The following RBFOX1 variants were observed in gnomAD, a reference collection of about 807,000 sequenced individuals.
The protein encoded by RBFOX1 is RNA binding protein fox-1 homolog 1.
Under a neutral mutation model 57.7 loss-of-function variants are expected in RBFOX1, and 8 were observed. That is an observed-to-expected ratio of 0.14 (90% CI 0.08 to 0.25). The LOEUF (loss-of-function observed/expected upper bound fraction) is 0.25, where lower values mean the gene tolerates loss of function less well. Among genes scored for constraint, RBFOX1 ranks in the 10% least tolerant of loss-of-function variants. The probability of loss-of-function intolerance (pLI) is 1.00; values close to 1 mark genes in which losing one functional copy is unlikely to be tolerated. For missense variants in RBFOX1, 611 were observed against 548.5 expected (o/e 1.11, Z -1.14); for synonymous variants, 326 against 222.4 (o/e 1.47, Z -4.15).
At chr16:7,669,318 A>G (rs1461321938) in intron 13 of RBFOX1, among the ~76,000 whole-genome samples, 1 of 152,224 alleles carries the variant, frequency 6.6e-6, no homozygotes, top group Non-Finnish European at 1.5e-5. Flanking sequence ...ACCAAAAAGT[A>G]TAGCATTTGA....
At chr16:7,463,831 A>G (rs956001540) in intron 4 of RBFOX1, among the ~76,000 whole-genome samples, 1 of 152,242 alleles carries the variant, frequency 6.6e-6, no homozygotes, top group African/African-American at 2.4e-5. Context: ...ACTCTATACC[A>G]GCCACTGAGA....
intron 4 of RBFOX1, among the ~76,000 whole-genome samples, chr16:7,267,213 A>G (rs2095177337): frequency 6.6e-6 from 1 of 152,116 alleles, no homozygotes. Context: ...AGCCTGGCCA[A>G]CATGGCAAAA....
In RBFOX1 at chr16:5,757,582, T is replaced by C. The variant is rs187699021; in HGVS notation, c.319-109721T>C. ...TAGAAGAACACATCATTTCAACTGA[T>C]AGGGTGTTGGTTATAACTCAGCCAC... On this transcript the variant is annotated intron_variant, in intron 3 of 19. Transcript: ENST00000641259. Among the ~76,000 whole-genome samples, 481 of 152,216 alleles carry C rather than the reference T, an allele frequency of 3.2e-3. 4 individuals are homozygous for C. The highest frequency in any genetic ancestry group is 0.017 in the Middle Eastern group (5 of 294).
At position 5,571,215 on chromosome 16, in the gene RBFOX1, C is replaced by CTTTT. The variant is rs34409151; in HGVS notation, c.259-27667_259-27664dup. Among the ~76,000 whole-genome samples, 598 of 79,760 alleles carry CTTTT rather than the reference C, an allele frequency of 7.5e-3. 21 individuals carry two copies. Among genetic ancestry groups the CTTTT allele is most frequent in the African/African-American group, 0.011 (219 of 19,696 alleles). The allele number at this position is 79,760 out of a possible 152,430, so 52.3% of individuals were successfully genotyped here. ...TGGTAGTGAAGTGACCCATCTTTGACTTTTTTTTTTTTTTTTTTTTTTTGA... is the reference window on the plus strand; with the variant it reads ...TGGTAGTGAAGTGACCCATCTTTGACTTTTTTTTTTTTTTTTTTTTTTTTTTTGA... On this transcript the variant is annotated intron_variant, in intron 2 of 2. Transcript: ENST00000585867.
intron 4 of RBFOX1, among the ~76,000 whole-genome samples, chr16:5,871,922 G>A (rs532189413): frequency 6.6e-6 from 1 of 152,240 alleles, no homozygotes; most frequent in East Asian, 1.9e-4. Context: ...CCAAATAATT[G>A]CAATGGGAAA....
At chr16:6,881,476 G>C (rs1288823028) in intron 3 of RBFOX1, among the ~76,000 whole-genome samples, 1 of 152,146 alleles carries the variant, frequency 6.6e-6, no homozygotes, top group Admixed American at 6.5e-5. Context: ...TCCGTGGCTT[G>C]TAGAGGGTCA....
intron 4 of RBFOX1, among the ~76,000 whole-genome samples, chr16:7,216,099 C>T (rs72765600): frequency 0.32 from 48,778 of 151,844 alleles, 8,538 homozygotes; most frequent in East Asian, 0.66. Context: ...ATAATGCTTA[C>T]GGGGTTCATC....
At chr16:5,532,336 T>A (rs1597422251) in intron 2 of RBFOX1, among the ~76,000 whole-genome samples, 1 of 152,232 alleles carries the variant, frequency 6.6e-6, no homozygotes, top group Non-Finnish European at 1.5e-5. Context: ...ACCATTGTTC[T>A]AGATAATAAG....
intron 3 of RBFOX1, among the ~76,000 whole-genome samples, chr16:5,761,471 A>G (rs897985648): frequency 2.0e-5 from 3 of 152,326 alleles, no homozygotes; most frequent in East Asian, 3.9e-4. Flanking sequence ...AAGGGGTTCA[A>G]TTGACTCAGT....
intron 4 of RBFOX1, among the ~76,000 whole-genome samples, chr16:7,489,104 A>T (rs1199170169): frequency 6.6e-6 from 1 of 151,854 alleles, no homozygotes; most frequent in Non-Finnish European, 1.5e-5. Flanking sequence ...CTTTGTCTTC[A>T]TTTTTCTCAT....
At chr16:7,457,189 G>C (rs934178725) in intron 4 of RBFOX1, among the ~76,000 whole-genome samples, 1 of 152,038 alleles carries the variant, frequency 6.6e-6, no homozygotes, top group Non-Finnish European at 1.5e-5. Context: ...GCCTGGCCTT[G>C]GGTATGCATT....
intron 1 of RBFOX1, among the ~76,000 whole-genome samples, chr16:6,026,929 C>A (rs1004032096): frequency 6.6e-5 from 10 of 152,238 alleles, no homozygotes; most frequent in African/African-American, 2.4e-4. Flanking sequence ...GTGCAAACCA[C>A]TGCTCACTCC....
chr16:5,335,512 A>C lies in RBFOX1; in HGVS notation c.219+95407A>C, dbSNP rs375361561. ...TTAGGAGATAAAACAGAAAGGTATT[A>C]ATGTCGGTTTTTTGTGTTCAGAGTT... On this transcript the variant is annotated intron_variant, in intron 1 of 2. Coordinates refer to the RBFOX1 transcript ENST00000585867. Among the ~76,000 whole-genome samples, 18 of 152,176 alleles carry C rather than the reference A, an allele frequency of 1.2e-4. No homozygotes were observed. The East Asian group carries it at 2.3e-3, about 20-fold the overall frequency.
At chr16:6,530,248 C>G (rs1056873808) in intron 2 of RBFOX1, among the ~76,000 whole-genome samples, 1 of 152,014 alleles carries the variant, frequency 6.6e-6, no homozygotes, top group Non-Finnish European at 1.5e-5. Context: ...CAGGAAGAAG[C>G]GGCAAAGAGT....
chr16:7,098,681 G>A (rs910544578), intron 4 of RBFOX1, among the ~76,000 whole-genome samples: 6 of 152,076 alleles, frequency 3.9e-5, no homozygotes, highest in Admixed American at 1.3e-4. Context: ...GCTGGGTGGT[G>A]GCTCATGCCT....
chr16:6,621,305 C>CAA (rs35821618), intron 2 of RBFOX1, among the ~76,000 whole-genome samples: 2,052 of 151,452 alleles, frequency 0.014, 48 homozygotes, highest in African/African-American at 0.047. Context: ...ACTAAAAATA[C>CAA]AAAAAAAAAT....
At chr16:7,357,542 T>A (rs2146368343) in intron 4 of RBFOX1, among the ~76,000 whole-genome samples, 1 of 152,288 alleles carries the variant, frequency 6.6e-6, no homozygotes, top group South Asian at 2.1e-4. Flanking sequence ...CTCCACCTCT[T>A]TTCATACTTA....
intron 4 of RBFOX1, among the ~76,000 whole-genome samples, chr16:7,241,475 C>A (rs1483032241): frequency 6.6e-5 from 10 of 152,240 alleles, no homozygotes; most frequent in Non-Finnish European, 5.9e-5. Flanking sequence ...TTCAAGATGA[C>A]TAAAATGTTT....
intron 2 of RBFOX1, among the ~76,000 whole-genome samples, chr16:5,540,022 G>T (rs147787385): frequency 1.3e-5 from 2 of 152,078 alleles, no homozygotes; most frequent in African/African-American, 4.8e-5. Flanking sequence ...TTTTTCTTCT[G>T]TTCTGATTTC....
Sources: allele counts gnomAD v4.1 joint callset (sites outside exome capture counted in the v4.1 genomes callset), GRCh38; gene constraint gnomAD v4.1.1; transcripts MANE v1.5; gene names NCBI Gene and HGNC (gene_info 2026-07-23, HGNC 2026-07-21).